Variants in JAKMIP1 observed in about 807,000 individuals in gnomAD.
JAKMIP1 encodes the protein janus kinase and microtubule interacting protein 1.
In JAKMIP1, 33 loss-of-function variants were observed where a neutral mutation model predicts 113.0. The ratio of observed to expected loss-of-function variants is 0.29; its 90% CI spans 0.22 to 0.39. The LOEUF is 0.39. Ranked by LOEUF, JAKMIP1 falls within the 10% of genes least tolerant of loss-of-function variation. The pLI is 1.00. For synonymous variants in JAKMIP1, 480 were observed against 459.9 expected (o/e 1.04, Z -0.56); for missense variants, 813 against 1,080.5 (o/e 0.75, Z 3.47).
chr4:6,119,281 C>A (rs368737797), intron 1 of JAKMIP1, among the ~76,000 whole-genome samples: 1 of 151,562 alleles, frequency 6.6e-6, no homozygotes, highest in African/African-American at 2.4e-5. Flanking sequence ...CGGTGGCTCA[C>A]GCCTGTAATC....
intron 2 of JAKMIP1, among the ~76,000 whole-genome samples, chr4:6,107,831 C>T (rs1714219423): frequency 6.6e-6 from 1 of 152,164 alleles, no homozygotes; most frequent in African/African-American, 2.4e-5. Context: ...TCCAGAGCTC[C>T]AGTTTCCTCT....
In JAKMIP1 at chr4:6,141,462, AAAAC is replaced by A. The variant is rs1191185178; in HGVS notation, c.-147-28469_-147-28466del. ...AAATAAATAAATAAATAAATACCAA[AAAAC>A]AAACAAACAAACACAAAAAACAAAG... On this transcript the variant is annotated intron_variant, in intron 1 of 20. Coordinates refer to ENST00000409021, the MANE Select transcript of JAKMIP1 (RefSeq NM_001099433.2). This position sits in a 1 kb window ranked among gnomAD's most constrained non-coding sequence, Gnocchi z 9.4. Among the ~76,000 whole-genome samples the A allele has an allele frequency of 1.3e-5, 2 of 152,110 alleles. No individual in the cohort carries two copies. Among genetic ancestry groups the A allele is most frequent in the Admixed American group, 6.5e-5 (1 of 15,274 alleles).
At chr4:6,161,293 CCTGACCTCCA>C (rs914514934) in intron 1 of JAKMIP1, among the ~76,000 whole-genome samples, 6 of 147,428 alleles carry the variant, frequency 4.1e-5, no homozygotes, top group Non-Finnish European at 7.4e-5. Flanking sequence ...CACTCAGCTC[CCTGACCTCCA>C]CTGACTTCTA....
At position 6,105,551 on chromosome 4, in the gene JAKMIP1, G is replaced by A. The variant is rs746565087; in HGVS notation, c.546C>T (p.Asp182=). ...CMQADKTKAA[D]LRAAYQAHQD... Reference sequence around the variant, plus strand: ...GGTGCGCCTGGTAGGCGGCACGCAGGTCGGCTGCCTTGGTCTTGTCAGCCT... The same window carrying A: ...GGTGCGCCTGGTAGGCGGCACGCAGATCGGCTGCCTTGGTCTTGTCAGCCT... Residue 182 remains aspartate (D), a synonymous_variant, in exon 3 of 21, where the codon GAC becomes GAT. Transcript: ENST00000409021. 6.2e-7 allele frequency: 1 copy of A among 1,604,964 alleles called. No individual in the cohort carries two copies. The highest frequency in any genetic ancestry group is 8.5e-7 in the Non-Finnish European group (1 of 1,176,110).
At position 6,035,346 on chromosome 4, in the gene JAKMIP1, C is replaced by T. The variant is rs548026334; in HGVS notation, c.2379+558G>A. Among the ~76,000 whole-genome samples the T allele has an allele frequency of 1.6e-4, 24 of 152,180 alleles. 1 individual carries two copies. The South Asian group carries it at 3.5e-3, about 22-fold the overall frequency. On this transcript the variant is annotated intron_variant, in intron 19 of 20. Transcript: ENST00000409021. ...ATCTGCAGCGCAGGGAGCCACTGCC[C>T]GACACATGGTGAGCGCCCGACAAAT...
chr4:6,046,726 T>C (rs943932585), intron 16 of JAKMIP1, among the ~76,000 whole-genome samples: 1 of 152,154 alleles, frequency 6.6e-6, no homozygotes, highest in African/African-American at 2.4e-5. Context: ...ATCTCACAGA[T>C]GCCCAGAGGA....
chr4:6,115,636 T>C (rs1474786219), intron 1 of JAKMIP1, among the ~76,000 whole-genome samples: 1 of 152,210 alleles, frequency 6.6e-6, no homozygotes, highest in Non-Finnish European at 1.5e-5. Context: ...ATTCTCTTCT[T>C]TAGACTCTTC....
At position 6,192,794 on chromosome 4, in the gene JAKMIP1, T is replaced by C. The variant is rs1727414969; in HGVS notation, c.-148+7459A>G. 6.6e-6 allele frequency among the ~76,000 whole-genome samples: 1 copy of C among 152,052 alleles called. No homozygotes were observed. ...AAATCATTTCAGATCATGATGATTC[T>C]CAAAAGCAAACAGGGTACTGATGGG... is the stretch of plus-strand genomic sequence containing the variant. On this transcript the variant is annotated intron_variant, in intron 1 of 20. Coordinates refer to ENST00000409021, the MANE Select transcript of JAKMIP1 (RefSeq NM_001099433.2). The surrounding 1 kb of genome is among the most constrained non-coding windows in gnomAD (Gnocchi z 5.0).
chr4:6,097,062 C>G lies in JAKMIP1; in HGVS notation c.624+8411G>C, dbSNP rs1056954946. On this transcript the variant is annotated intron_variant, in intron 3 of 20. Coordinates refer to ENST00000409021, the MANE Select transcript of JAKMIP1 (RefSeq NM_001099433.2). The surrounding 1 kb of genome is among the most constrained non-coding windows in gnomAD (Gnocchi z 4.3). ...TGTCACCCAGGCTGGAGTGCAGGGG[C>G]ATGATCGTAGGTCACAGTAGCCTCA... 7.2e-5 allele frequency among the ~76,000 whole-genome samples: 11 copies of G among 152,270 alleles called. No homozygotes were observed. The highest frequency in any genetic ancestry group is 3.3e-4 in the Admixed American group (5 of 15,304).
intron 20 of JAKMIP1, 55 bp downstream of exon 20, chr4:6,029,661 G>T: frequency 2.7e-6 from 3 of 1,131,548 alleles, no homozygotes; most frequent in Non-Finnish European, 1.3e-6. Flanking sequence ...AAATGATTCC[G>T]CACTAACATT....
At position 6,065,031 on chromosome 4, in the gene JAKMIP1, T is replaced by A. The variant is rs200241347; in HGVS notation, c.1303-23A>T. ...CTTCTGTAAAACGCAATTTGTATGA[T>A]GTTAGCAACGACTGAGGATTGCCAG... is the stretch of plus-strand genomic sequence containing the variant. On this transcript the variant is annotated intron_variant, in intron 8 of 20. Coordinates refer to ENST00000409021, the MANE Select transcript of JAKMIP1 (RefSeq NM_001099433.2). The surrounding 1 kb of genome is among the most constrained non-coding windows in gnomAD (Gnocchi z 5.1). 1 of 1,613,920 alleles carries A rather than the reference T, an allele frequency of 6.2e-7. No individual in the cohort carries two copies. Among genetic ancestry groups the A allele is most frequent in the East Asian group, 2.2e-5 (1 of 44,870 alleles).
Position 6,097,044 on chromosome 4 carries a change from CA to C in JAKMIP1, c.624+8428del, listed in dbSNP as rs1261923830. ...CAAGACAGACTCTCTCTCTGTCACC[CA>C]GGCTGGAGTGCAGGGGCATGATCGT... On this transcript the variant is annotated intron_variant, in intron 3 of 20. Coordinates refer to ENST00000409021, the MANE Select transcript of JAKMIP1 (RefSeq NM_001099433.2). The surrounding 1 kb of genome is among the most constrained non-coding windows in gnomAD (Gnocchi z 4.3). Among the ~76,000 whole-genome samples the C allele has an allele frequency of 6.6e-6, 1 of 152,156 alleles. No individual in the cohort carries two copies. The highest frequency in any genetic ancestry group is 1.5e-5 in the Non-Finnish European group (1 of 68,022).
rs965447880 is a variant in JAKMIP1 at position 6,197,600 on chromosome 4, G to A, written c.-148+2653C>T. Among the ~76,000 whole-genome samples the A allele has an allele frequency of 6.6e-6, 1 of 152,212 alleles. No homozygotes were observed. Among genetic ancestry groups the A allele is most frequent in the Non-Finnish European group, 1.5e-5 (1 of 68,038 alleles). On this transcript the variant is annotated intron_variant, in intron 1 of 20. Transcript: ENST00000409021. The surrounding 1 kb of genome is among the most constrained non-coding windows in gnomAD (Gnocchi z 6.5). Reference sequence around the variant, plus strand: ...AAGTCCAACTTCAGAAGCCCTGCAGGTTGATCCCGTCGCCACTATGGGGAG... The same window carrying A: ...AAGTCCAACTTCAGAAGCCCTGCAGATTGATCCCGTCGCCACTATGGGGAG...
rs1438111664 is a variant in JAKMIP1 at position 6,143,105 on chromosome 4, C to CT, written c.-147-30109dup. Among the ~76,000 whole-genome samples the CT allele has an allele frequency of 3.3e-5, 5 of 152,318 alleles. No individual in the cohort carries two copies. The highest frequency in any genetic ancestry group is 4.1e-4 in the South Asian group (2 of 4,826). On this transcript the variant is annotated intron_variant, in intron 1 of 20. Transcript: ENST00000409021. This position sits in a 1 kb window ranked among gnomAD's most constrained non-coding sequence, Gnocchi z 4.9. ...ACTTTGAGCAAGTTTCTCAGCCTCT[C>CT]TGAGCCTCTGCCACCCACCTATTAA... is the stretch of plus-strand genomic sequence containing the variant.
rs1005803625 is a variant in JAKMIP1, at chr4:6,156,548, G to A, written c.-147-43551C>T. Reference sequence around the variant, plus strand: ...AAATCCAGAGCCATCTGTTCTGAGCGTTCGGCTTCAGCCCCCAGTCATCCT... The same window carrying A: ...AAATCCAGAGCCATCTGTTCTGAGCATTCGGCTTCAGCCCCCAGTCATCCT... On this transcript the variant is annotated intron_variant, in intron 1 of 20. Transcript: ENST00000409021. The surrounding 1 kb of genome is among the most constrained non-coding windows in gnomAD (Gnocchi z 5.0). Among the ~76,000 whole-genome samples the A allele has an allele frequency of 6.6e-6, 1 of 152,166 alleles. No homozygotes were observed. The highest frequency in any genetic ancestry group is 1.5e-5 in the Non-Finnish European group (1 of 68,030).
In JAKMIP1 at chr4:6,141,743, C is replaced by T. The variant is rs755774083; in HGVS notation, c.-147-28746G>A. On this transcript the variant is annotated intron_variant, in intron 1 of 20. Transcript: ENST00000409021. This position sits in a 1 kb window ranked among gnomAD's most constrained non-coding sequence, Gnocchi z 9.4. ...ATTTCTGCACCAAATGGAAAGTGGC[C>T]CCAGGACACTGATGCCGAGGATGCT... Among the ~76,000 whole-genome samples, 8 of 152,172 alleles carry T rather than the reference C, an allele frequency of 5.3e-5. No homozygotes were observed. Among genetic ancestry groups the T allele is most frequent in the Non-Finnish European group, 1.0e-4 (7 of 68,034 alleles).
chr4:6,174,152 C>A (rs574314259), intron 1 of JAKMIP1, among the ~76,000 whole-genome samples: 1 of 152,242 alleles, frequency 6.6e-6, no homozygotes, highest in African/African-American at 2.4e-5. Context: ...CGAACATCAC[C>A]AATCGTTGCA....
intron 19 of JAKMIP1, among the ~76,000 whole-genome samples, chr4:6,030,162 C>A (rs1712419278): frequency 6.6e-6 from 1 of 151,992 alleles, no homozygotes; most frequent in Non-Finnish European, 1.5e-5. Context: ...GCACCCTGAG[C>A]AGCTAATAAA....
At chr4:6,102,619 T>C (rs1713234294) in intron 3 of JAKMIP1, among the ~76,000 whole-genome samples, 1 of 152,046 alleles carries the variant, frequency 6.6e-6, no homozygotes, top group African/African-American at 2.4e-5. Flanking sequence ...TGTTATTTTG[T>C]TATAGCAACA....
Sources: gnomAD v4.1 joint callset for allele counts (sites outside exome capture counted in the v4.1 genomes callset) on GRCh38, gnomAD v4.1.1 for gene constraint, Gnocchi (gnomAD v3.1) non-coding constraint, MANE v1.5 for transcripts, NCBI Gene and HGNC (gene_info 2026-07-23, HGNC 2026-07-21) for gene names.